SPATA17: variants seen among roughly 807,000 people sequenced by gnomAD.
SPATA17 encodes spermatogenesis-associated protein 17.
A neutral mutation model predicts 62.2 loss-of-function variants in SPATA17; 53 were observed. The ratio of observed to expected loss-of-function variants is 0.85; its 90% CI spans 0.68 to 1.07. The LOEUF (loss-of-function observed/expected upper bound fraction) is 1.07, where lower values mean the gene tolerates loss of function less well. Among genes scored for constraint, SPATA17 ranks in the 50% least tolerant of loss-of-function variants. The pLI is 0.00. For synonymous variants in SPATA17, 146 were observed against 146.8 expected, an observed-to-expected ratio of 0.99 and a Z score of 0.04; for missense variants, 466 against 425.5, an observed-to-expected ratio of 1.10 and a Z score of -0.84.
At chr1:217,770,046 G>T (rs915434579) in intron 6 of SPATA17, among the ~76,000 whole-genome samples, 1 of 152,296 alleles carries the variant, frequency 6.6e-6, no homozygotes, top group South Asian at 2.1e-4. Flanking sequence ...AGATTCAGCA[G>T]TCCCTACCCT....
At chr1:217,749,971 C>CTATA (rs1221231899) in intron 6 of SPATA17, among the ~76,000 whole-genome samples, 21 of 45,814 alleles carry the variant, frequency 4.6e-4, no homozygotes, top group Middle Eastern at 8.1e-3. Context: ...CTCTCTCTCT[C>CTATA]TCTCTCTCTC....
At position 217,870,589 on chromosome 1, in the gene SPATA17, A is replaced by C. The variant is rs946821765; in HGVS notation, c.*3570A>C. The C allele has an allele frequency of 1.3e-5, 2 of 152,214 alleles. No individual in the cohort carries two copies. The highest frequency in any genetic ancestry group is 4.8e-5 in the African/African-American group (2 of 41,458). 9.4% of individuals were successfully genotyped at this position (152,214 alleles called of 1,614,324 possible). On this transcript the variant is annotated 3_prime_UTR_variant, in exon 11 of 11. Coordinates refer to ENST00000366933, the MANE Select transcript of SPATA17 (RefSeq NM_138796.4). ...TATTCTCAATATGAGCCACTTAAGAAAATTAATGAGACTTTATGTTTGACC... is the reference window on the plus strand; with the variant it reads ...TATTCTCAATATGAGCCACTTAAGACAATTAATGAGACTTTATGTTTGACC...
intron 3 of SPATA17, among the ~76,000 whole-genome samples, chr1:217,658,690 G>A (rs1670497218): frequency 6.6e-6 from 1 of 151,960 alleles, no homozygotes; most frequent in Non-Finnish European, 1.5e-5. Flanking sequence ...CCCGGGAGGT[G>A]GAGCTTGCAG....
chr1:217,707,891 G>A (rs903167491), intron 5 of SPATA17, among the ~76,000 whole-genome samples: 2 of 152,092 alleles, frequency 1.3e-5, no homozygotes, highest in African/African-American at 2.4e-5. Context: ...AGAAATCCTT[G>A]TTAAGAAAAT....
At chr1:217,815,268 G>A (rs1345849679) in intron 9 of SPATA17, among the ~76,000 whole-genome samples, 2 of 152,106 alleles carry the variant, frequency 1.3e-5, no homozygotes, top group African/African-American at 4.8e-5. Context: ...GGCCAACTTT[G>A]GTCTTAAGAA....
chr1:217,663,515 A>G (rs1670615574), intron 3 of SPATA17, among the ~76,000 whole-genome samples: 1 of 152,170 alleles, frequency 6.6e-6, no homozygotes, highest in South Asian at 2.1e-4. Flanking sequence ...GGCAAAGCAT[A>G]TGCACAAAAT....
intron 5 of SPATA17, among the ~76,000 whole-genome samples, chr1:217,740,169 C>CTTTTTTTTTTTTT (rs1553371121): frequency 6.6e-6 from 1 of 150,482 alleles, no homozygotes; most frequent in South Asian, 2.2e-4. Context: ...GGCCTTTCTT[C>CTTTTTTTTTTTTT]TTATATAAGA....
chr1:217,849,626 G>A (rs150211687), intron 9 of SPATA17, among the ~76,000 whole-genome samples: 36 of 152,166 alleles, frequency 2.4e-4, no homozygotes, highest in Middle Eastern at 3.4e-3. Context: ...TGTTCTCACC[G>A]TTCAGTATGA....
intron 9 of SPATA17, among the ~76,000 whole-genome samples, chr1:217,849,900 A>G (rs1675608806): frequency 6.6e-6 from 1 of 152,170 alleles, no homozygotes; most frequent in Admixed American, 6.5e-5. Context: ...AGTAGGAAAA[A>G]TAGGATGGGA....
At chr1:217,651,275 A>G in intron 3 of SPATA17, 97 bp downstream of exon 3, 1 of 950,998 alleles carries the variant, frequency 1.1e-6, no homozygotes, top group Non-Finnish European at 1.5e-6. Flanking sequence ...GAAATTACTG[A>G]TGATGAGTAT....
At chr1:217,732,036 C>T (rs1483555748) in intron 5 of SPATA17, among the ~76,000 whole-genome samples, 2 of 151,590 alleles carry the variant, frequency 1.3e-5, no homozygotes, top group East Asian at 3.9e-4. Flanking sequence ...TCCTTTTCCC[C>T]TCTTGGAGTT....
At chr1:217,860,499 A>G (rs1183888802) in intron 9 of SPATA17, among the ~76,000 whole-genome samples, 3 of 152,188 alleles carry the variant, frequency 2.0e-5, no homozygotes, top group Admixed American at 6.5e-5. Context: ...CTCCAACTAC[A>G]ATAATGAATT....
At chr1:217,633,221 T>C (rs1669859071) in intron 1 of SPATA17, among the ~76,000 whole-genome samples, 1 of 151,104 alleles carries the variant, frequency 6.6e-6, no homozygotes, top group Non-Finnish European at 1.5e-5. Context: ...AATAAATAAA[T>C]AAATAAATAA....
chr1:217,655,781 G>T (rs933840279), intron 3 of SPATA17, among the ~76,000 whole-genome samples: 1 of 151,946 alleles, frequency 6.6e-6, no homozygotes, highest in Non-Finnish European at 1.5e-5. Flanking sequence ...ATAGTCCTTC[G>T]TTTTCTCACT....
At chr1:217,834,064 G>C (rs1450135443) in intron 9 of SPATA17, among the ~76,000 whole-genome samples, 1 of 152,090 alleles carries the variant, frequency 6.6e-6, no homozygotes, top group East Asian at 1.9e-4. Flanking sequence ...GTCAACAATA[G>C]ACTGCAAATA....
chr1:217,780,143 C>A (rs575757798), intron 7 of SPATA17, among the ~76,000 whole-genome samples: 1 of 152,018 alleles, frequency 6.6e-6, no homozygotes, highest in South Asian at 2.1e-4. Context: ...TTTACAAAAC[C>A]TGGGTTCCCA....
chr1:217,720,648 T>A lies in SPATA17; in HGVS notation c.396-21327T>A, dbSNP rs529835341. Among the ~76,000 whole-genome samples the A allele has an allele frequency of 2.5e-3, 386 of 152,174 alleles. 1 individual carries two copies. The highest frequency in any genetic ancestry group is 4.2e-3 in the Non-Finnish European group (287 of 68,016). On this transcript the variant is annotated intron_variant, in intron 5 of 10. Transcript: ENST00000366933. ...TCTCTAAATAAATAAACATTTTTTT[T>A]AAAAAAGAAAAGGCTAAGACTTTTA... is the stretch of plus-strand genomic sequence containing the variant.
intron 9 of SPATA17, among the ~76,000 whole-genome samples, chr1:217,828,446 A>G (rs370865294): frequency 5.9e-5 from 9 of 151,738 alleles, no homozygotes; most frequent in African/African-American, 1.4e-4. Flanking sequence ...CAAAGACCTA[A>G]ATGTAACATC....
At chr1:217,696,793 A>G (rs1671471065) in intron 5 of SPATA17, among the ~76,000 whole-genome samples, 1 of 152,112 alleles carries the variant, frequency 6.6e-6, no homozygotes, top group Non-Finnish European at 1.5e-5. Flanking sequence ...TCCTCTAGAG[A>G]GTAGTCATGT....
Sources: allele counts gnomAD v4.1 joint callset (sites outside exome capture counted in the v4.1 genomes callset), GRCh38; gene constraint gnomAD v4.1.1; transcripts MANE v1.5; gene names NCBI Gene and HGNC (gene_info 2026-07-23, HGNC 2026-07-21).